MYL12B: variants seen among roughly 807,000 people sequenced by gnomAD.
The protein encoded by MYL12B is myosin light chain 12B, also known as myosin regulatory light chain 12B.
Under a neutral mutation model 12.9 loss-of-function variants are expected in MYL12B, and 3 were observed. The ratio of observed to expected loss-of-function variants is 0.23; its 90% CI spans 0.11 to 0.60. The LOEUF is 0.60. Ranked by LOEUF, MYL12B falls within the 20% of genes least tolerant of loss-of-function variation. MYL12B has a pLI of 0.89. For missense variants in MYL12B, 120 were observed against 215.4 expected (o/e 0.56, Z 2.77); for synonymous variants, 57 against 71.9 (o/e 0.79, Z 1.05).
intron 2 of MYL12B, chr18:3,276,894 G>T: frequency 4.2e-6 from 4 of 957,564 alleles, no homozygotes; most frequent in Non-Finnish European, 4.9e-6. Context: ...AAATTAGCAG[G>T]GCATGGTGGC....
Position 3,278,181 on chromosome 18 carries a change from C to A in MYL12B, c.*244C>A. On this transcript the variant is annotated 3_prime_UTR_variant, in exon 4 of 4. Coordinates refer to ENST00000237500, the MANE Select transcript of MYL12B (RefSeq NM_033546.4). ...ATAAAAATCAACAAATGTGAAAGCC[C>A]AGAAAAATATATTCGTATTTCTGGT... The A allele has an allele frequency of 2.8e-6, 1 of 355,836 alleles. No individual in the cohort carries two copies. 22.0% of individuals were successfully genotyped at this position (355,836 alleles called of 1,614,324 possible).
intron 1 of MYL12B, among the ~76,000 whole-genome samples, chr18:3,268,173 A>G (rs1226232710): frequency 1.3e-5 from 2 of 152,216 alleles, no homozygotes; most frequent in South Asian, 2.1e-4. Context: ...GGACTGCTGT[A>G]TCAATTCCTA....
At chr18:3,274,386 T>TA (rs761764797) in intron 2 of MYL12B, among the ~76,000 whole-genome samples, 3 of 152,220 alleles carry the variant, frequency 2.0e-5, no homozygotes, top group Middle Eastern at 3.2e-3. Flanking sequence ...CTTTTAAAGA[T>TA]ACGTGTTAAA....
intron 2 of MYL12B, among the ~76,000 whole-genome samples, chr18:3,275,426 T>C (rs1393574274): frequency 6.6e-6 from 1 of 152,150 alleles, no homozygotes; most frequent in South Asian, 2.1e-4. Flanking sequence ...AGCAGTAATT[T>C]GTTGTACATT....
intron 1 of MYL12B, chr18:3,272,246 T>TTGG: frequency 1.3e-5 from 1 of 78,112 alleles, no homozygotes; most frequent in Non-Finnish European, 1.4e-5. Context: ...GTTTTACTGA[T>TTGG]GAAAAATTGA....
In MYL12B at chr18:3,272,755, C is replaced by A. The variant is rs1292708648; in HGVS notation, c.-15-129C>A. On this transcript the variant is annotated intron_variant, in intron 1 of 3. Transcript: ENST00000237500. ...AATAAAGTTTAGGTGCATACTTATT[C>A]CTACCCAATTGAAGTAATAATTCCT... is the stretch of plus-strand genomic sequence containing the variant. 10 of 866,290 alleles carry A rather than the reference C, an allele frequency of 1.2e-5. No homozygotes were observed. The South Asian group carries it at 2.8e-4, about 25-fold the overall frequency. The allele number at this position is 866,290 out of a possible 1,614,324, so 53.7% of individuals were successfully genotyped here.
In MYL12B at chr18:3,270,232, A is replaced by G. The variant is rs566709179; in HGVS notation, c.-15-2652A>G. 8.7e-4 allele frequency among the ~76,000 whole-genome samples: 132 copies of G among 152,252 alleles called. 3 individuals are homozygous for G. The South Asian group carries it at 0.027, about 31-fold the overall frequency. On this transcript the variant is annotated intron_variant, in intron 1 of 3. Transcript: ENST00000237500. ...CCCTTCAGATTGATTATTTTGATGC[A>G]ACTTTGCCTCACTTTTCAGCTGATA...
At chr18:3,266,899 G>A (rs1447141216) in intron 1 of MYL12B, among the ~76,000 whole-genome samples, 1 of 152,126 alleles carries the variant, frequency 6.6e-6, no homozygotes, top group African/African-American at 2.4e-5. Context: ...GGAAAATGAG[G>A]CCTGGGGAAG....
intron 1 of MYL12B, among the ~76,000 whole-genome samples, chr18:3,265,169 C>T (rs935013880): frequency 6.6e-6 from 1 of 152,144 alleles, no homozygotes; most frequent in African/African-American, 2.4e-5. Flanking sequence ...AAAAATACTT[C>T]TAATAATTTA....
intron 1 of MYL12B, among the ~76,000 whole-genome samples, chr18:3,271,178 TAATC>T (rs2081676121): frequency 6.6e-6 from 1 of 152,192 alleles, no homozygotes; most frequent in Admixed American, 6.5e-5. Flanking sequence ...AATGAAAACA[TAATC>T]AAATGCCTTG....
rs2081748511 is a variant in MYL12B, at chr18:3,278,032, T to A, written c.*95T>A. The A allele has an allele frequency of 6.9e-7, 1 of 1,446,888 alleles. No homozygotes were observed. The highest frequency in any genetic ancestry group is 1.3e-5 in the South Asian group (1 of 77,446). The allele number at this position is 1,446,888 out of a possible 1,614,324, so 89.6% of individuals were successfully genotyped here. On this transcript the variant is annotated 3_prime_UTR_variant, in exon 4 of 4. Transcript: ENST00000237500. ...CCTCATAGAACCTGTTGCATGCAAC[T>A]TAGTTTCACAGCTTTGCCTCTTCTT...
intron 1 of MYL12B, among the ~76,000 whole-genome samples, chr18:3,270,907 A>G (rs1445819649): frequency 6.6e-6 from 1 of 152,186 alleles, no homozygotes; most frequent in Admixed American, 6.5e-5. Context: ...CCTGGGCTCA[A>G]GCAGTCTTCT....
chr18:3,267,214 A>G (rs1468770912), intron 1 of MYL12B, among the ~76,000 whole-genome samples: 1 of 152,200 alleles, frequency 6.6e-6, no homozygotes, highest in African/African-American at 2.4e-5. Flanking sequence ...TCTGATGTGC[A>G]GCCAAGATTG....
intron 1 of MYL12B, 82 bp from the exon 2 acceptor site, chr18:3,272,802 A>C: frequency 8.1e-7 from 1 of 1,242,112 alleles, no homozygotes. Flanking sequence ...TTACCTACAG[A>C]CTTTAGGTAT....
intron 1 of MYL12B, among the ~76,000 whole-genome samples, chr18:3,269,425 G>C (rs539556292): frequency 6.6e-6 from 1 of 152,172 alleles, no homozygotes; most frequent in Non-Finnish European, 1.5e-5. Flanking sequence ...ATTTCTCAGA[G>C]GCAGGGCTTG....
chr18:3,270,225 TTGA>T (rs1046020832), intron 1 of MYL12B, among the ~76,000 whole-genome samples: 8 of 152,332 alleles, frequency 5.3e-5, no homozygotes, highest in Non-Finnish European at 1.0e-4. Context: ...ATTGATTATT[TTGA>T]TGCAACTTTG....
chr18:3,263,821 G>A (rs1791061), intron 1 of MYL12B, among the ~76,000 whole-genome samples: 145,125 of 152,308 alleles, frequency 0.95, 69,198 homozygotes, highest in Non-Finnish European at 0.98. Context: ...TCAGCTGCCT[G>A]TATGCAGGAT....
intron 1 of MYL12B, among the ~76,000 whole-genome samples, chr18:3,267,458 A>G (rs574134508): frequency 7.9e-5 from 12 of 152,324 alleles, no homozygotes; most frequent in African/African-American, 2.6e-4. Context: ...TCAGTACTGC[A>G]GGTGACTTTA....
chr18:3,271,532 A>G (rs1253681118), intron 1 of MYL12B, among the ~76,000 whole-genome samples: 3 of 152,172 alleles, frequency 2.0e-5, no homozygotes, highest in Non-Finnish European at 4.4e-5. Context: ...TGTTTTTCAC[A>G]TTGCAGGAAG....
Sources: gnomAD v4.1 joint callset for allele counts (sites outside exome capture counted in the v4.1 genomes callset) on GRCh38, gnomAD v4.1.1 for gene constraint, MANE v1.5 for transcripts, NCBI Gene and HGNC (gene_info 2026-07-23, HGNC 2026-07-21) for gene names.